DHTKD1: variants seen among roughly 807,000 people sequenced by gnomAD.
The protein encoded by DHTKD1 is dehydrogenase E1 and transketolase domain containing 1.
DHTKD1 carries 78 observed loss-of-function variants against 101.8 expected under a neutral mutation model. The ratio of observed to expected loss-of-function variants is 0.77; its 90% CI spans 0.64 to 0.93. The LOEUF (loss-of-function observed/expected upper bound fraction) is 0.93. Ranked by LOEUF, DHTKD1 falls within the 40% of genes least tolerant of loss-of-function variation. The pLI is 0.00. For missense variants in DHTKD1, 1,223 were observed against 1,161.7 expected, an observed-to-expected ratio of 1.05 and a Z score of -0.77; for synonymous variants, 462 against 450.3, an observed-to-expected ratio of 1.03 and a Z score of -0.33.
chr10:12,078,427 A>G (rs1445521859), intron 1 of DHTKD1, among the ~76,000 whole-genome samples: 5 of 148,632 alleles, frequency 3.4e-5, no homozygotes, highest in African/African-American at 1.2e-4. Flanking sequence ...TCCACCTCAG[A>G]AAAAAAAAAC....
chr10:12,069,749 G>C (rs906739207), intron 1 of DHTKD1, among the ~76,000 whole-genome samples: 1 of 131,320 alleles, frequency 7.6e-6, no homozygotes. Flanking sequence ...TGTTGCCCAG[G>C]CTGGTCTTGA....
chr10:12,113,306 T>A (rs1833365509), intron 13 of DHTKD1, among the ~76,000 whole-genome samples: 1 of 152,154 alleles, frequency 6.6e-6, no homozygotes, highest in Non-Finnish European at 1.5e-5. Flanking sequence ...TAAGCGATTC[T>A]CCCGCCTCAG....
chr10:12,077,128 A>G (rs1222833261), intron 1 of DHTKD1, among the ~76,000 whole-genome samples: 1 of 150,320 alleles, frequency 6.7e-6, no homozygotes, highest in African/African-American at 2.4e-5. Context: ...TAATACATAT[A>G]CTATAAGATG....
intron 5 of DHTKD1, among the ~76,000 whole-genome samples, chr10:12,091,128 A>G (rs1405610465): frequency 6.6e-6 from 1 of 152,158 alleles, no homozygotes; most frequent in Non-Finnish European, 1.5e-5. Context: ...ATGATAAATG[A>G]GGCTGGTCGC....
intron 9 of DHTKD1, 39 bp from the exon 10 acceptor site, chr10:12,101,002 AT>A (rs1413309097): frequency 1.2e-6 from 2 of 1,607,758 alleles, no homozygotes; most frequent in Non-Finnish European, 1.7e-6. Context: ...TTATTAGGTT[AT>A]TTATGGGAAT....
chr10:12,113,452 C>T (rs920863648), intron 13 of DHTKD1, among the ~76,000 whole-genome samples: 1 of 152,218 alleles, frequency 6.6e-6, no homozygotes, highest in Non-Finnish European at 1.5e-5. Context: ...CCCGCCTCGG[C>T]CTCCCAAAGT....
intron 3 of DHTKD1, among the ~76,000 whole-genome samples, chr10:12,086,333 G>T (rs1231086850): frequency 6.9e-6 from 1 of 145,006 alleles, no homozygotes. Context: ...CCATTCTCCT[G>T]CCTCAGCCTC....
At chr10:12,119,457 T>G (rs1300909200) in intron 15 of DHTKD1, among the ~76,000 whole-genome samples, 5 of 137,816 alleles carry the variant, frequency 3.6e-5, no homozygotes, top group South Asian at 2.3e-4. Flanking sequence ...CTACTGAAAA[T>G]ACAAAAAAAT....
At chr10:12,115,025 G>A (rs1035980222) in intron 13 of DHTKD1, among the ~76,000 whole-genome samples, 3 of 151,542 alleles carry the variant, frequency 2.0e-5, no homozygotes, top group African/African-American at 7.3e-5. Flanking sequence ...TCGATCTCCT[G>A]ACCTCGTGAT....
At position 12,106,348 on chromosome 10, in the gene DHTKD1, G is replaced by T. The variant is rs371485560; in HGVS notation, c.1999G>T (p.Asp667Tyr). 2 of 1,614,068 alleles carry T rather than the reference G, an allele frequency of 1.2e-6. No individual in the cohort carries two copies. The highest frequency in any genetic ancestry group is 1.7e-6 in the Non-Finnish European group (2 of 1,180,040). The change falls in exon 11 of 17, where the codon GAT becomes TAT. Residue 667 changes from aspartate (D) to tyrosine (Y), a missense_variant. Transcript: ENST00000263035. ...GCCCCTGTGGGAGGCACAGTTTGGC[G>T]ATTTCTTCAATGGTGCCCAGATCAT... ...LLPLWEAQFGDFFNGAQIIFD... is the reference protein window; with the variant it reads ...LLPLWEAQFGYFFNGAQIIFD...
chr10:12,081,081 A>G (rs11257524), intron 1 of DHTKD1, among the ~76,000 whole-genome samples: 16,836 of 151,852 alleles, frequency 0.11, 1,342 homozygotes, highest in South Asian at 0.35. Context: ...CGGGCAGATC[A>G]TGAGGTCAGG....
At chr10:12,076,200 G>A (rs1018445030) in intron 1 of DHTKD1, among the ~76,000 whole-genome samples, 1 of 152,206 alleles carries the variant, frequency 6.6e-6, no homozygotes, top group African/African-American at 2.4e-5. Flanking sequence ...CTTTATTGCC[G>A]AGTGCGGTGG....
At chr10:12,106,156 C>T in intron 10 of DHTKD1, 90 bp from the exon 11 acceptor site, 1 of 1,369,282 alleles carries the variant, frequency 7.3e-7, no homozygotes, top group Non-Finnish European at 1.0e-6. Context: ...GGCTCCCTCT[C>T]CGCACCACCT....
In DHTKD1 at chr10:12,069,265, C is replaced by G. The variant is rs1420493972; in HGVS notation, c.154+78C>G. ...CCCTGGCCGATTTGCGGTGGGGTGT[C>G]GGGGTCGGGGAACCGGCTGCCGGCC... On this transcript the variant is annotated intron_variant, in intron 1 of 16. Transcript: ENST00000263035. 3.9e-3 allele frequency: 2,336 copies of G among 592,666 alleles called. 2 individuals are homozygous for G. Among genetic ancestry groups the G allele is most frequent in the South Asian group, 5.6e-3 (115 of 20,470 alleles). The allele number at this position is 592,666 out of a possible 1,614,324, so 36.7% of individuals were successfully genotyped here.
At position 12,113,704 on chromosome 10, in the gene DHTKD1, T is replaced by C. The variant is rs1833371218; in HGVS notation, c.2319+640T>C. Among the ~76,000 whole-genome samples, 5 of 152,122 alleles carry C rather than the reference T, an allele frequency of 3.3e-5. No individual in the cohort carries two copies. In the South Asian group the frequency reaches 1.0e-3, roughly 32 times the overall value. ...ACTTTGGGAGGCCTAGGCAAGAGGA[T>C]TGCTTGAGCCCAGGAGTTTGAGAGC... On this transcript the variant is annotated intron_variant, in intron 13 of 16. Transcript: ENST00000263035.
chr10:12,069,294 A>G (rs1412572323), intron 1 of DHTKD1, 107 bp downstream of exon 1: 2 of 352,392 alleles, frequency 5.7e-6, no homozygotes, highest in Non-Finnish European at 1.0e-5. Flanking sequence ...GCCGGCCTGA[A>G]CGCGCGGCCG....
intron 15 of DHTKD1, among the ~76,000 whole-genome samples, chr10:12,119,555 G>C (rs1304542596): frequency 2.9e-4 from 43 of 147,358 alleles, no homozygotes; most frequent in Non-Finnish European, 4.0e-4. Flanking sequence ...GGCGGAGCTT[G>C]CAGTGAGCCG....
Position 12,081,611 on chromosome 10 carries a change from A to C in DHTKD1, c.294A>C (p.Gly98=), listed in dbSNP as rs199959700. 26 of 1,614,110 alleles carry C rather than the reference A, an allele frequency of 1.6e-5. No homozygotes were observed. The East Asian group carries it at 5.6e-4, about 35-fold the overall frequency. Residue 98 remains glycine (G), a synonymous_variant, in exon 2 of 17, where the codon GGA becomes GGC. Coordinates refer to ENST00000263035, the MANE Select transcript of DHTKD1 (RefSeq NM_018706.7). ...EIQALVQTLQ[G]PFHTAGLLNM... Reference sequence around the variant, plus strand: ...AAGCCCTGGTGCAGACACTGCAGGGACCCTTCCACACGGCAGGTATGGCTT... The same window carrying C: ...AAGCCCTGGTGCAGACACTGCAGGGCCCCTTCCACACGGCAGGTATGGCTT...
chr10:12,108,115 G>T, intron 12 of DHTKD1, 100 bp downstream of exon 12: 1 of 789,796 alleles, frequency 1.3e-6, no homozygotes, highest in South Asian at 1.7e-5. Context: ...CTGTAACACA[G>T]CTTAGTATTT....
Sources: allele counts gnomAD v4.1 joint callset (sites outside exome capture counted in the v4.1 genomes callset), GRCh38; gene constraint gnomAD v4.1.1; transcripts MANE v1.5; gene names NCBI Gene and HGNC (gene_info 2026-07-23, HGNC 2026-07-21).